DPYD: variants seen among roughly 807,000 people sequenced by gnomAD.
DPYD encodes dihydropyrimidine dehydrogenase [NADP(+)].
DPYD carries 109 observed loss-of-function variants against 116.2 expected under a neutral mutation model. The observed-to-expected ratio is 0.94, with a 90% CI of 0.80 to 1.10. DPYD has a LOEUF of 1.10. Among genes scored for constraint, DPYD ranks in the 50% least tolerant of loss-of-function variants. The pLI is 0.00. For synonymous variants in DPYD, 440 were observed against 432.0 expected (o/e 1.02, Z -0.23); for missense variants, 1,302 against 1,254.5 (o/e 1.04, Z -0.57).
chr1:97,747,566 T>C (rs575104327), intron 3 of DPYD, among the ~76,000 whole-genome samples: 1 of 152,174 alleles, frequency 6.6e-6, no homozygotes, highest in Non-Finnish European at 1.5e-5. Flanking sequence ...TGATAAGCCA[T>C]GTACCTAGGA....
intron 11 of DPYD, among the ~76,000 whole-genome samples, chr1:97,559,936 C>T (rs867752260): frequency 1.3e-5 from 2 of 152,142 alleles, no homozygotes; most frequent in Non-Finnish European, 2.9e-5. Flanking sequence ...TGGATCCTCA[C>T]AAAATAGGTA....
intron 20 of DPYD, among the ~76,000 whole-genome samples, chr1:97,124,238 A>G (rs1652664800): frequency 6.6e-6 from 1 of 152,072 alleles, no homozygotes; most frequent in Non-Finnish European, 1.5e-5. Context: ...TAAATAGCAC[A>G]GATTTCTGGT....
chr1:97,307,547 A>G (rs1352815865), intron 16 of DPYD, among the ~76,000 whole-genome samples: 2 of 151,862 alleles, frequency 1.3e-5, no homozygotes, highest in African/African-American at 4.8e-5. Context: ...CAATGAGGTA[A>G]TTTCTGTTGA....
intron 15 of DPYD, among the ~76,000 whole-genome samples, chr1:97,374,271 CCTT>C (rs1174362172): frequency 5.3e-5 from 8 of 152,076 alleles, no homozygotes; most frequent in African/African-American, 1.9e-4. Flanking sequence ...TAATAGGAAT[CCTT>C]CTTATTTAAA....
chr1:97,165,432 T>A (rs768215738), intron 20 of DPYD, among the ~76,000 whole-genome samples: 3 of 151,954 alleles, frequency 2.0e-5, no homozygotes, highest in African/African-American at 4.8e-5. Context: ...CAACTTAAGA[T>A]GGATTGAAGA....
intron 14 of DPYD, among the ~76,000 whole-genome samples, chr1:97,399,777 G>A (rs1673258333): frequency 6.6e-6 from 1 of 152,114 alleles, no homozygotes; most frequent in South Asian, 2.1e-4. Context: ...AAGAATGCTT[G>A]TGATTTTTGT....
chr1:97,508,814 T>C (rs2101954517), intron 13 of DPYD, among the ~76,000 whole-genome samples: 1 of 152,106 alleles, frequency 6.6e-6, no homozygotes, highest in South Asian at 2.1e-4. Flanking sequence ...TGTTACAACC[T>C]GATCTGGTCT....
chr1:97,805,230 T>C (rs947141161), intron 3 of DPYD, among the ~76,000 whole-genome samples: 7 of 151,668 alleles, frequency 4.6e-5, no homozygotes, highest in Non-Finnish European at 1.5e-5. Flanking sequence ...AACTGTAAGT[T>C]TGAGATTCAA....
At chr1:97,878,566 C>T (rs1013410549) in intron 2 of DPYD, among the ~76,000 whole-genome samples, 2 of 151,990 alleles carry the variant, frequency 1.3e-5, no homozygotes, top group African/African-American at 4.8e-5. Context: ...ATAAAGTCAA[C>T]TCCCAAATCA....
intron 20 of DPYD, among the ~76,000 whole-genome samples, chr1:97,130,666 CTTT>C (rs1201000761): frequency 2.0e-5 from 3 of 151,632 alleles, no homozygotes; most frequent in Non-Finnish European, 4.4e-5. Flanking sequence ...CTATCCTTTT[CTTT>C]TTTCCTTCCT....
intron 10 of DPYD, among the ~76,000 whole-genome samples, chr1:97,582,834 A>C (rs1189438848): frequency 6.6e-6 from 1 of 152,206 alleles, no homozygotes; most frequent in Non-Finnish European, 1.5e-5. Context: ...CTGAGTCCTT[A>C]CTAATTTTAT....
intron 1 of DPYD, among the ~76,000 whole-genome samples, chr1:97,897,965 T>C (rs2101676744): frequency 6.6e-6 from 1 of 151,998 alleles, no homozygotes; most frequent in South Asian, 2.1e-4. Context: ...ATAAATGTTT[T>C]TGAGTTTTGT....
intron 19 of DPYD, among the ~76,000 whole-genome samples, chr1:97,208,178 C>G (rs1431261308): frequency 6.6e-6 from 1 of 150,632 alleles, no homozygotes; most frequent in Non-Finnish European, 1.5e-5. Context: ...TCTTTTCTTT[C>G]TTTCTTTTAC....
chr1:97,612,352 T>C (rs1018127917), intron 8 of DPYD, among the ~76,000 whole-genome samples: 1 of 152,060 alleles, frequency 6.6e-6, no homozygotes. Flanking sequence ...TGGCTTTTAA[T>C]CTTTTCACAC....
At chr1:97,672,160 C>T (rs1385002583) in intron 8 of DPYD, among the ~76,000 whole-genome samples, 1 of 151,988 alleles carries the variant, frequency 6.6e-6, no homozygotes, top group Middle Eastern at 3.2e-3. Flanking sequence ...GACCTGGGCT[C>T]AAAGAACTCC....
At chr1:97,306,354 T>C in intron 16 of DPYD, 57 bp from the exon 17 acceptor site, 2 of 1,607,282 alleles carry the variant, frequency 1.2e-6, no homozygotes, top group Non-Finnish European at 1.7e-6. Context: ...GATCAAAATG[T>C]GTACTGGAAC....
At chr1:97,573,720 C>T (rs748537685) in intron 11 of DPYD, 40 bp downstream of exon 11, 6 of 1,611,470 alleles carry the variant, frequency 3.7e-6, no homozygotes, top group Non-Finnish European at 5.1e-6. Context: ...ACTAAAATAA[C>T]AGACAATTGC....
intron 1 of DPYD, among the ~76,000 whole-genome samples, chr1:97,886,710 C>A (rs1185983036): frequency 6.6e-6 from 1 of 151,930 alleles, no homozygotes; most frequent in Admixed American, 6.6e-5. Flanking sequence ...AACCTGTATG[C>A]AGGGAAGTTC....
intron 20 of DPYD, among the ~76,000 whole-genome samples, chr1:97,154,334 T>C (rs868096519): frequency 1.3e-5 from 2 of 152,196 alleles, no homozygotes; most frequent in Non-Finnish European, 2.9e-5. Flanking sequence ...AATGAAATAA[T>C]GGCATTTGTA....
Sources: gnomAD v4.1 joint callset for allele counts (sites outside exome capture counted in the v4.1 genomes callset) on GRCh38, gnomAD v4.1.1 for gene constraint, MANE v1.5 for transcripts, NCBI Gene and HGNC (gene_info 2026-07-23, HGNC 2026-07-21) for gene names.